The following STMN3 variants were observed in gnomAD, a reference collection of about 807,000 sequenced individuals.
The protein encoded by STMN3 is stathmin-3.
Under a neutral mutation model 23.2 loss-of-function variants are expected in STMN3, and 24 were observed. The ratio of observed to expected loss-of-function variants is 1.03; its 90% CI spans 0.75 to 1.45. STMN3 has a LOEUF of 1.45. STMN3 is among the 40% of genes most tolerant of loss of function. The probability of loss-of-function intolerance (pLI) is 0.00; values close to 1 mark genes in which losing one functional copy is unlikely to be tolerated. For synonymous variants in STMN3, 117 were observed against 103.4 expected (o/e 1.13, Z -0.80); for missense variants, 235 against 237.6 (o/e 0.99, Z 0.07).
intron 1 of STMN3, among the ~76,000 whole-genome samples, chr20:63,647,724 T>A (rs1479121941): frequency 1.0e-4 from 12 of 118,970 alleles, no homozygotes; most frequent in Admixed American, 4.4e-4. Context: ...GTATATATAT[T>A]ATATACATAT....
At chr20:63,643,217 G>A (rs2089782757) in intron 3 of STMN3, among the ~76,000 whole-genome samples, 1 of 152,188 alleles carries the variant, frequency 6.6e-6, no homozygotes. Flanking sequence ...CCTCACCAGA[G>A]GCTCCTGCTC....
intron 3 of STMN3, among the ~76,000 whole-genome samples, chr20:63,643,205 AC>A (rs2089782687): frequency 6.6e-6 from 1 of 151,742 alleles, no homozygotes; most frequent in Non-Finnish European, 1.5e-5. Context: ...GGTGCCTCCC[AC>A]CCTCACCAGA....
intron 1 of STMN3, among the ~76,000 whole-genome samples, chr20:63,647,991 T>TATATATATATATACATACAC (rs1288050001): frequency 2.6e-5 from 2 of 75,892 alleles, no homozygotes; most frequent in Non-Finnish European, 5.4e-5. Flanking sequence ...CATATATATA[T>TATATATATATATACATACAC]ACAGAGAGAG....
At chr20:63,651,018 G>A (rs2089854870) in intron 1 of STMN3, among the ~76,000 whole-genome samples, 1 of 150,658 alleles carries the variant, frequency 6.6e-6, no homozygotes, top group Admixed American at 6.6e-5. Flanking sequence ...GGAGTGCAAT[G>A]GCACAATCTC....
In STMN3 at chr20:63,640,641, G is replaced by C. The variant is rs1456236579; in HGVS notation, c.*697C>G. The C allele has an allele frequency of 6.4e-6, 1 of 157,002 alleles. No homozygotes were observed. Among genetic ancestry groups the C allele is most frequent in the African/African-American group, 2.5e-5 (1 of 39,280 alleles). The allele number at this position is 157,002 out of a possible 1,614,324, so 9.7% of individuals were successfully genotyped here. A position where few individuals can be genotyped will look rare whatever the true frequency, so the allele number is the denominator to read the frequency against. On this transcript the variant is annotated 3_prime_UTR_variant, in exon 5 of 5. Coordinates refer to ENST00000370053, the MANE Select transcript of STMN3 (RefSeq NM_015894.4). The stretch of plus-strand genomic sequence containing the variant: ...CTGTCCATGCTGCCCACAACCTCTA[G>C]ACCATGCAGCCTGCTCATGGGTCCC...
At chr20:63,653,215 G>A in intron 1 of STMN3, 112 bp downstream of exon 1, 6 of 1,386,242 alleles carry the variant, frequency 4.3e-6, no homozygotes, top group Non-Finnish European at 5.9e-6. Flanking sequence ...GCAACGCGCA[G>A]GGTAGGAGAA....
intron 1 of STMN3, among the ~76,000 whole-genome samples, chr20:63,649,713 G>A (rs1383879309): frequency 6.6e-6 from 1 of 151,872 alleles, no homozygotes; most frequent in Non-Finnish European, 1.5e-5. Flanking sequence ...TGTATTTTTA[G>A]TAGAGACGGG....
At chr20:63,647,916 A>G (rs931876234) in intron 1 of STMN3, among the ~76,000 whole-genome samples, 7 of 116,398 alleles carry the variant, frequency 6.0e-5, no homozygotes, top group South Asian at 2.5e-4. Flanking sequence ...GTGTGTATAT[A>G]TTAATATATA....
Position 63,643,770 on chromosome 20 carries a change from C to A in STMN3, c.277G>T (p.Glu93Ter). The change falls in exon 3 of 5, where the codon GAG becomes TAG. Residue 93 changes from glutamate to a stop codon, truncating the protein, a stop_gained. Coordinates refer to ENST00000370053, the MANE Select transcript of STMN3 (RefSeq NM_015894.4). LOFTEE classifies it high-confidence loss of function. ...GGACTCCTTGCCTTCCTCCGCTCCT[C>A]GGCTGCCTCCAGCCGCTTTTGCAGC... The part of the protein sequence containing the change: ...EELQKRLEAA[E>*]ERRKTQEAQV... 1 of 1,549,122 alleles carries A rather than the reference C, an allele frequency of 6.5e-7. No individual in the cohort carries two copies. Among genetic ancestry groups the A allele is most frequent in the East Asian group, 2.4e-5 (1 of 41,634 alleles).
At position 63,652,610 on chromosome 20, in the gene STMN3, G is replaced by A. The variant is rs1000970154; in HGVS notation, c.19+717C>T. The A allele has an allele frequency of 1.0e-6, 1 of 985,398 alleles. No homozygotes were observed. The highest frequency in any genetic ancestry group is 1.2e-6 in the Non-Finnish European group (1 of 829,900). The allele number at this position is 985,398 out of a possible 1,614,324, so 61.0% of individuals were successfully genotyped here. ...TGGGTCCGCCCCGCGGGAGGTGGAG[G>A]GGCGGGAGGGGCGGAGCCCTCTGGT... On this transcript the variant is annotated intron_variant, in intron 1 of 4. Coordinates refer to ENST00000370053, the MANE Select transcript of STMN3 (RefSeq NM_015894.4). This position sits in a 1 kb window ranked among gnomAD's most constrained non-coding sequence, Gnocchi z 5.3.
intron 1 of STMN3, among the ~76,000 whole-genome samples, chr20:63,645,967 AAGAG>A (rs1358619030): frequency 3.9e-5 from 6 of 151,968 alleles, no homozygotes; most frequent in Non-Finnish European, 8.8e-5. Context: ...CAGAAAGAAA[AAGAG>A]AGAGAGGAAG....
At position 63,641,067 on chromosome 20, in the gene STMN3, C is replaced by T. The variant is rs1230784122; in HGVS notation, c.*271G>A. The T allele has an allele frequency of 9.1e-6, 5 of 546,488 alleles. No individual in the cohort carries two copies. The highest frequency in any genetic ancestry group is 1.7e-5 in the Non-Finnish European group (5 of 301,592). The allele number at this position is 546,488 out of a possible 1,614,324, so 33.9% of individuals were successfully genotyped here. A position where few individuals can be genotyped will look rare whatever the true frequency, so the allele number is the denominator to read the frequency against. On this transcript the variant is annotated 3_prime_UTR_variant, in exon 5 of 5. Coordinates refer to ENST00000370053, the MANE Select transcript of STMN3 (RefSeq NM_015894.4). ...GTTTACCACGGTCACCGCCACCTCTCTCACAGGGCCCCCGGGGGACCCAGC... is the reference window on the plus strand; with the variant it reads ...GTTTACCACGGTCACCGCCACCTCTTTCACAGGGCCCCCGGGGGACCCAGC...
chr20:63,651,969 G>C (rs1046786996), intron 1 of STMN3, among the ~76,000 whole-genome samples: 1 of 152,182 alleles, frequency 6.6e-6, no homozygotes, highest in Admixed American at 6.5e-5. Context: ...AGAGGACGGC[G>C]CTGCCCTCAG....
rs1555897557 is a variant in STMN3 at position 63,647,991 on chromosome 20, T to TACACAC, written c.20-3683_20-3682insGTGTGT. The stretch of plus-strand genomic sequence containing the variant: ...ATATATATATATATACATATATATA[T>TACACAC]ACAGAGAGAGAGAGAGTAGTGATAG... On this transcript the variant is annotated intron_variant, in intron 1 of 4. Transcript: ENST00000370053. Among the ~76,000 whole-genome samples, 188 of 75,880 alleles carry TACACAC rather than the reference T, an allele frequency of 2.5e-3. 7 individuals carry two copies. Among genetic ancestry groups the TACACAC allele is most frequent in the African/African-American group, 8.4e-3 (174 of 20,626 alleles). The allele number at this position is 75,880 out of a possible 152,430, so 49.8% of individuals were successfully genotyped here.
chr20:63,652,742 G>T lies in STMN3; in HGVS notation c.19+585C>A. ...GCAGGTGGCGCGGGCGTCGCAAAGG[G>T]TGGTCCCCGAGGCCGCAGCGGTGTG... On this transcript the variant is annotated intron_variant, in intron 1 of 4. Transcript: ENST00000370053. This position sits in a 1 kb window ranked among gnomAD's most constrained non-coding sequence, Gnocchi z 5.3. 1 of 985,922 alleles carries T rather than the reference G, an allele frequency of 1.0e-6. No homozygotes were observed. The allele number at this position is 985,922 out of a possible 1,614,324, so 61.1% of individuals were successfully genotyped here.
chr20:63,647,960 GTA>G (rs1242712476), intron 1 of STMN3, among the ~76,000 whole-genome samples: 16 of 53,308 alleles, frequency 3.0e-4, no homozygotes, highest in East Asian at 1.1e-3. Flanking sequence ...ATATATATAT[GTA>G]TATATATATA....
In STMN3 at chr20:63,652,529, T is replaced by G. The variant is rs1402928463; in HGVS notation, c.19+798A>C. 1.0e-6 allele frequency: 1 copy of G among 973,596 alleles called. No homozygotes were observed. The highest frequency in any genetic ancestry group is 1.2e-6 in the Non-Finnish European group (1 of 819,456). The allele number at this position is 973,596 out of a possible 1,614,324, so 60.3% of individuals were successfully genotyped here. A position where few individuals can be genotyped will look rare whatever the true frequency, so the allele number is the denominator to read the frequency against. On this transcript the variant is annotated intron_variant, in intron 1 of 4. Transcript: ENST00000370053. This position sits in a 1 kb window ranked among gnomAD's most constrained non-coding sequence, Gnocchi z 5.3. ...CCGGGCCTGCGCCCGCCCCTCCGCC[T>G]GAGCTCCGCGCGGGACGGGCCGGGA...
At chr20:63,642,936 C>T (rs1249494038) in intron 3 of STMN3, among the ~76,000 whole-genome samples, 2 of 152,172 alleles carry the variant, frequency 1.3e-5, no homozygotes, top group African/African-American at 4.8e-5. Context: ...AATGCGTTGG[C>T]CTCCAGGGTG....
intron 1 of STMN3, 90 bp downstream of exon 1, chr20:63,653,237 G>C: frequency 1.3e-6 from 2 of 1,481,578 alleles, no homozygotes; most frequent in Non-Finnish European, 1.8e-6. Context: ...GGAAATTGGC[G>C]TCCGCTGCCG....
Sources: allele counts gnomAD v4.1 joint callset (sites outside exome capture counted in the v4.1 genomes callset), GRCh38; gene constraint gnomAD v4.1.1; non-coding constraint Gnocchi (gnomAD v3.1); transcripts MANE v1.5; gene names NCBI Gene and HGNC (gene_info 2026-07-23, HGNC 2026-07-21).